Variants in PCDH15 observed in about 807,000 individuals in gnomAD.
The protein encoded by PCDH15 is protocadherin-15.
Under a neutral mutation model 178.5 loss-of-function variants are expected in PCDH15, and 129 were observed. The ratio of observed to expected loss-of-function variants is 0.72; its 90% CI spans 0.63 to 0.84. The LOEUF is 0.84. PCDH15 is among the 40% of genes least tolerant of loss of function. The probability of loss-of-function intolerance (pLI) is 0.00; values close to 1 mark genes in which losing one functional copy is unlikely to be tolerated. For missense variants in PCDH15, 2,230 were observed against 2,099.9 expected (o/e 1.06, Z -1.21); for synonymous variants, 800 against 732.0 (o/e 1.09, Z -1.50).
chr10:54,044,402 G>A (rs1240415823), intron 18 of PCDH15, among the ~76,000 whole-genome samples: 3 of 152,108 alleles, frequency 2.0e-5, no homozygotes, highest in Non-Finnish European at 4.4e-5. Context: ...TTCCTCAGGA[G>A]AGCCTAGGTA....
At chr10:53,951,920 G>A (rs1014494404) in intron 23 of PCDH15, among the ~76,000 whole-genome samples, 2 of 152,148 alleles carry the variant, frequency 1.3e-5, no homozygotes, top group Non-Finnish European at 2.9e-5. Flanking sequence ...GGGAAGGGTG[G>A]CCCCAGGTGC....
intron 3 of PCDH15, among the ~76,000 whole-genome samples, chr10:54,875,471 T>A (rs532540852): frequency 5.9e-5 from 9 of 152,146 alleles, no homozygotes; most frequent in Non-Finnish European, 1.3e-4. Flanking sequence ...TAGTGAAGAA[T>A]ACATATTTAA....
chr10:54,192,087 CAAAG>C (rs1198012449), intron 11 of PCDH15, among the ~76,000 whole-genome samples: 43 of 96,234 alleles, frequency 4.5e-4, no homozygotes, highest in Middle Eastern at 6.7e-3. Context: ...AAGAAAGAAA[CAAAG>C]GAAGGAAGGA....
intron 2 of PCDH15, among the ~76,000 whole-genome samples, chr10:54,543,041 G>A (rs893964868): frequency 6.6e-6 from 1 of 152,164 alleles, no homozygotes; most frequent in African/African-American, 2.4e-5. Flanking sequence ...ACTGGCACGC[G>A]TGCAGGCCAC....
chr10:54,941,185 G>A (rs1341537695), intron 2 of PCDH15, among the ~76,000 whole-genome samples: 1 of 151,662 alleles, frequency 6.6e-6, no homozygotes, highest in African/African-American at 2.4e-5. Context: ...TTTTCTTAAT[G>A]TTCAATCTAG....
At chr10:55,300,844 G>A (rs908324810) in intron 1 of PCDH15, among the ~76,000 whole-genome samples, 4 of 152,174 alleles carry the variant, frequency 2.6e-5, no homozygotes, top group South Asian at 2.1e-4. Context: ...AGTTTGGACC[G>A]AAGACAACAT....
intron 1 of PCDH15, among the ~76,000 whole-genome samples, chr10:54,715,456 A>G (rs1373797899): frequency 1.3e-5 from 2 of 152,136 alleles, no homozygotes; most frequent in Non-Finnish European, 2.9e-5. Flanking sequence ...ATAAAGATTG[A>G]CACTGTGAGC....
In PCDH15 at chr10:54,250,267, CTTTTTT is replaced by C. The variant is rs765895227; in HGVS notation, c.877-13342_877-13337del. Among the ~76,000 whole-genome samples, 552 of 84,066 alleles carry C rather than the reference CTTTTTT, an allele frequency of 6.6e-3. 3 individuals carry two copies. Among genetic ancestry groups the C allele is most frequent in the African/African-American group, 0.022 (448 of 20,052 alleles). 55.2% of individuals were successfully genotyped at this position (84,066 alleles called of 152,430 possible). ...GCCATGCTTCTATAATATGCTATTA[CTTTTTT>C]TTTTTTTTTTTTTTTTTTGGAGACA... is the stretch of plus-strand genomic sequence containing the variant. On this transcript the variant is annotated intron_variant, in intron 8 of 37. Coordinates refer to ENST00000644397, the MANE Select transcript of PCDH15 (RefSeq NM_001384140.1).
chr10:54,842,812 C>A (rs914335445), intron 3 of PCDH15, among the ~76,000 whole-genome samples: 3 of 151,804 alleles, frequency 2.0e-5, no homozygotes, highest in Non-Finnish European at 4.4e-5. Flanking sequence ...TAATGAAAGT[C>A]TTATGTTTTC....
intron 8 of PCDH15, among the ~76,000 whole-genome samples, chr10:54,242,189 C>T (rs564364203): frequency 0.014 from 1,209 of 88,390 alleles, 69 homozygotes; most frequent in African/African-American, 0.041. Context: ...TATATATATA[C>T]ACACACACAC....
At chr10:54,752,257 A>C (rs1361973495) in intron 1 of PCDH15, among the ~76,000 whole-genome samples, 2 of 151,232 alleles carry the variant, frequency 1.3e-5, no homozygotes, top group African/African-American at 4.8e-5. Context: ...CGGACAGATC[A>C]TGAAGTCAGG....
intron 1 of PCDH15, among the ~76,000 whole-genome samples, chr10:55,263,441 C>G (rs897326415): frequency 6.6e-6 from 1 of 152,160 alleles, no homozygotes; most frequent in African/African-American, 2.4e-5. Context: ...GCATGCATGA[C>G]TCAGGGCATC....
intron 20 of PCDH15, among the ~76,000 whole-genome samples, chr10:54,011,258 C>A (rs1315972549): frequency 6.6e-6 from 1 of 152,178 alleles, no homozygotes; most frequent in Admixed American, 6.5e-5. Flanking sequence ...AGCAAAGACC[C>A]TGAGTGCTTT....
chr10:53,829,592 A>G (rs2076900247), intron 30 of PCDH15, among the ~76,000 whole-genome samples: 1 of 152,218 alleles, frequency 6.6e-6, no homozygotes, highest in African/African-American at 2.4e-5. Flanking sequence ...TTTGTTCATC[A>G]GCTTTAGATT....
chr10:53,852,891 G>A (rs1385701260), intron 28 of PCDH15, among the ~76,000 whole-genome samples: 2 of 151,974 alleles, frequency 1.3e-5, no homozygotes, highest in African/African-American at 4.8e-5. Context: ...GTGTTTACTG[G>A]TCTCGTCACT....
intron 3 of PCDH15, among the ~76,000 whole-genome samples, chr10:54,456,433 T>C (rs1382592036): frequency 6.6e-6 from 1 of 150,596 alleles, no homozygotes; most frequent in African/African-American, 2.4e-5. Flanking sequence ...CCCCTTTGTG[T>C]TGGCCAATTA....
At chr10:53,808,420 C>A in intron 37 of PCDH15, 1 of 1,147,116 alleles carries the variant, frequency 8.7e-7, no homozygotes, top group Non-Finnish European at 1.1e-6. Flanking sequence ...AACAAAAATC[C>A]TACCAGTAAA....
At chr10:54,094,130 A>ATAC (rs1026561526) in intron 15 of PCDH15, among the ~76,000 whole-genome samples, 1 of 152,100 alleles carries the variant, frequency 6.6e-6, no homozygotes, top group African/African-American at 2.4e-5. Context: ...CAAAATGAGA[A>ATAC]TACTACTACT....
intron 2 of PCDH15, among the ~76,000 whole-genome samples, chr10:55,005,420 A>T (rs1175951552): frequency 6.6e-6 from 1 of 152,100 alleles, no homozygotes; most frequent in Non-Finnish European, 1.5e-5. Context: ...TTAGCAGATA[A>T]CAACTTTAAG....
Sources: gnomAD v4.1 joint callset for allele counts (sites outside exome capture counted in the v4.1 genomes callset) on GRCh38, gnomAD v4.1.1 for gene constraint, MANE v1.5 for transcripts, NCBI Gene and HGNC (gene_info 2026-07-23, HGNC 2026-07-21) for gene names.